The following GFOD2 variants were observed in gnomAD, a reference collection of about 807,000 sequenced individuals.
The protein encoded by GFOD2 is Gfo/Idh/MocA-like oxidoreductase domain containing 2.
In GFOD2, 9 loss-of-function variants were observed where a neutral mutation model predicts 24.6. The ratio of observed to expected loss-of-function variants is 0.37; its 90% CI spans 0.22 to 0.64. The LOEUF is 0.64. Ranked by LOEUF, GFOD2 falls within the 30% of genes least tolerant of loss-of-function variation. The pLI, the probability that GFOD2 is intolerant of heterozygous loss-of-function variation, is 0.65. For missense variants in GFOD2, 476 were observed against 532.5 expected (o/e 0.89, Z 1.04); for synonymous variants, 211 against 224.8 (o/e 0.94, Z 0.55).
intron 1 of GFOD2, among the ~76,000 whole-genome samples, chr16:67,706,612 T>TA (rs2053440950): frequency 6.6e-6 from 1 of 151,970 alleles, no homozygotes; most frequent in Non-Finnish European, 1.5e-5. Flanking sequence ...TCTAGAAAAA[T>TA]ACATCAGAGA....
chr16:67,711,405 G>A (rs189379091), intron 1 of GFOD2, among the ~76,000 whole-genome samples: 1 of 151,928 alleles, frequency 6.6e-6, no homozygotes, highest in Non-Finnish European at 1.5e-5. Context: ...ACCACTTCTC[G>A]GTTCCTTCTG....
rs542893576 is a variant in GFOD2, at chr16:67,694,987, CTTTTTTTT to C, written c.-87-9193_-87-9186del. 4.5e-3 allele frequency among the ~76,000 whole-genome samples: 546 copies of C among 121,552 alleles called. 1 individual carries two copies. Among genetic ancestry groups the C allele is most frequent in the South Asian group, 0.043 (168 of 3,878 alleles). The allele number at this position is 121,552 out of a possible 152,430, so 79.7% of individuals were successfully genotyped here. A position where few individuals can be genotyped will look rare whatever the true frequency, so the allele number is the denominator to read the frequency against. ...CCTTTTCTACTTTCTCCATCTCTCTCTTTTTTTTTTTTTTTTTTTTTTTGAGACGGAGT... is the reference window on the plus strand; with the variant it reads ...CCTTTTCTACTTTCTCCATCTCTCTCTTTTTTTTTTTTTTTGAGACGGAGT... On this transcript the variant is annotated intron_variant, in intron 1 of 2. Transcript: ENST00000268797.
chr16:67,703,306 G>A (rs2053416924), intron 1 of GFOD2, among the ~76,000 whole-genome samples: 1 of 152,172 alleles, frequency 6.6e-6, no homozygotes, highest in Non-Finnish European at 1.5e-5. Flanking sequence ...GGGAGGCTGA[G>A]GCAGGAGAAT....
intron 1 of GFOD2, among the ~76,000 whole-genome samples, chr16:67,707,952 C>A (rs1018380471): frequency 6.6e-6 from 1 of 152,056 alleles, no homozygotes. Flanking sequence ...AATAAGCCAG[C>A]CTTATTTATA....
intron 1 of GFOD2, among the ~76,000 whole-genome samples, 168 bp from the exon 2 acceptor site, chr16:67,685,970 A>C (rs930795670): frequency 2.0e-5 from 3 of 152,094 alleles, no homozygotes; most frequent in Middle Eastern, 3.2e-3. Context: ...GAAAAGCACA[A>C]ATGAAATAGG....
chr16:67,711,504 C>G (rs1457545903), intron 1 of GFOD2, among the ~76,000 whole-genome samples: 10 of 152,142 alleles, frequency 6.6e-5, no homozygotes, highest in Admixed American at 6.6e-4. Flanking sequence ...CTTGGTGGTT[C>G]CATTCAGTGT....
intron 1 of GFOD2, among the ~76,000 whole-genome samples, chr16:67,695,630 G>A (rs1278417626): frequency 6.6e-6 from 1 of 151,248 alleles, no homozygotes; most frequent in African/African-American, 2.4e-5. Flanking sequence ...CAGCCTCCTG[G>A]GTTCAAGCGG....
At chr16:67,692,979 G>A (rs1277675320) in intron 1 of GFOD2, among the ~76,000 whole-genome samples, 4 of 151,792 alleles carry the variant, frequency 2.6e-5, no homozygotes, top group Admixed American at 6.6e-5. Context: ...GCAGTGAGCC[G>A]AGATTGCGCC....
chr16:67,691,400 G>A (rs577117260), intron 1 of GFOD2, among the ~76,000 whole-genome samples: 1 of 151,846 alleles, frequency 6.6e-6, no homozygotes, highest in Admixed American at 6.6e-5. Context: ...TAGAGACAGG[G>A]TTTCACTATG....
intron 1 of GFOD2, among the ~76,000 whole-genome samples, chr16:67,697,206 A>G (rs2142995807): frequency 6.6e-6 from 1 of 152,110 alleles, no homozygotes; most frequent in African/African-American, 2.4e-5. Flanking sequence ...TCCTTTAGTC[A>G]CTCTGTATCT....
chr16:67,698,205 G>A (rs757883958), intron 1 of GFOD2, among the ~76,000 whole-genome samples: 11 of 152,226 alleles, frequency 7.2e-5, no homozygotes, highest in Non-Finnish European at 1.6e-4. Context: ...CTTAACCAAG[G>A]TCACAGCTCC....
chr16:67,676,116 T>A lies in GFOD2; in HGVS notation c.260-63A>T, dbSNP rs2053183604. ...AGGGGGAATCTCCAGCATGTCCGCC[T>A]GCCCTGAGGATTTTGGACTTCTCTG... On this transcript the variant is annotated intron_variant, in intron 2 of 2. Coordinates refer to ENST00000268797, the MANE Select transcript of GFOD2 (RefSeq NM_030819.4). 3 of 1,470,772 alleles carry A rather than the reference T, an allele frequency of 2.0e-6. No individual in the cohort carries two copies. In the Admixed American group the frequency reaches 6.9e-5, roughly 34 times the overall value. The allele number at this position is 1,470,772 out of a possible 1,614,324, so 91.1% of individuals were successfully genotyped here.
rs771838650 is a variant in GFOD2, at chr16:67,675,379, G to GCACCATGTAGACCATGCCCTT, written c.913_933dup (p.Lys305_Val311dup). 4.0e-5 allele frequency: 64 copies of GCACCATGTAGACCATGCCCTT among 1,613,262 alleles called. No individual in the cohort carries two copies. Among genetic ancestry groups the GCACCATGTAGACCATGCCCTT allele is most frequent in the Non-Finnish European group, 2.5e-6 (3 of 1,179,986 alleles). The stretch of plus-strand genomic sequence containing the variant: ...CCCTGGAAGGACTGGCGCAAGGCCT[G>GCACCATGTAGACCATGCCCTT]CACCATGTAGACCATGCCCTTCAGG... On this transcript the variant is annotated inframe_insertion, in exon 3 of 3. Transcript: ENST00000268797.
rs898653108 is a variant in GFOD2 at position 67,697,135 on chromosome 16, A to G, written c.-87-11333T>C. 4.6e-5 allele frequency among the ~76,000 whole-genome samples: 7 copies of G among 152,298 alleles called. No individual in the cohort carries two copies. In the South Asian group the frequency reaches 1.4e-3, roughly 32 times the overall value. Reference sequence around the variant, plus strand: ...AGGACAGGCTATATACAATTTGACAAGGCCTTGCCTGGGTTCAAATCCTGG... The same window carrying G: ...AGGACAGGCTATATACAATTTGACAGGGCCTTGCCTGGGTTCAAATCCTGG... On this transcript the variant is annotated intron_variant, in intron 1 of 2. Transcript: ENST00000268797.
Position 67,685,502 on chromosome 16 carries a change from T to G in GFOD2, c.214A>C (p.Ser72Arg). The change falls in exon 2 of 3, where the codon AGC becomes CGC. Residue 72 changes from serine to arginine, a missense_variant. Coordinates refer to ENST00000268797, the MANE Select transcript of GFOD2 (RefSeq NM_030819.4). ...LHQDVDLVCI[S>R]IPPPLTRQIS... The stretch of plus-strand genomic sequence containing the variant: ...TGCCGGGTGAGTGGAGGGGGGATGC[T>G]GATGCACACCAGATCCACATCTTGA... 3.7e-6 allele frequency: 6 copies of G among 1,614,178 alleles called. No individual in the cohort carries two copies. The highest frequency in any genetic ancestry group is 5.1e-6 in the Non-Finnish European group (6 of 1,180,038).
chr16:67,691,669 C>T (rs1441304668), intron 1 of GFOD2, among the ~76,000 whole-genome samples: 1 of 152,124 alleles, frequency 6.6e-6, no homozygotes, highest in Non-Finnish European at 1.5e-5. Flanking sequence ...GGAGCTCCTC[C>T]CTCTGCACCT....
At chr16:67,707,083 G>A (rs1196975208) in intron 1 of GFOD2, among the ~76,000 whole-genome samples, 1 of 146,918 alleles carries the variant, frequency 6.8e-6, no homozygotes, top group African/African-American at 2.5e-5. Context: ...AAATGTCCGG[G>A]CGCAGTGGCT....
chr16:67,687,164 GAAAAGA>G (rs1196209309), intron 1 of GFOD2, among the ~76,000 whole-genome samples: 1 of 141,948 alleles, frequency 7.0e-6, no homozygotes, highest in Non-Finnish European at 1.5e-5. Context: ...AAAAAAAAAA[GAAAAGA>G]AAAAGAAGAA....
chr16:67,714,371 C>T (rs966421857), intron 1 of GFOD2, among the ~76,000 whole-genome samples: 3 of 150,250 alleles, frequency 2.0e-5, no homozygotes, highest in Non-Finnish European at 4.4e-5. Context: ...CCCAGCTACT[C>T]GGGAGGCTGA....
Sources: allele counts gnomAD v4.1 joint callset (sites outside exome capture counted in the v4.1 genomes callset), GRCh38; gene constraint gnomAD v4.1.1; transcripts MANE v1.5; gene names NCBI Gene and HGNC (gene_info 2026-07-23, HGNC 2026-07-21).